The following SKA1 variants were observed in gnomAD, a reference collection of about 807,000 sequenced individuals.
The protein encoded by SKA1 is spindle and kinetochore associated complex subunit 1.
In SKA1, 20 loss-of-function variants were observed where a neutral mutation model predicts 31.8. The observed-to-expected ratio is 0.63, with a 90% confidence interval of 0.44 to 0.91. SKA1 has a LOEUF of 0.91. Ranked by LOEUF, SKA1 falls within the 40% of genes least tolerant of loss-of-function variation. The pLI is 0.00. For synonymous variants in SKA1, 88 were observed against 100.5 expected, an observed-to-expected ratio of 0.88 and a Z score of 0.74; for missense variants, 253 against 298.2, an observed-to-expected ratio of 0.85 and a Z score of 1.12.
chr18:50,390,905 A>G (rs2041351511), intron 5 of SKA1, among the ~76,000 whole-genome samples: 1 of 152,242 alleles, frequency 6.6e-6, no homozygotes, highest in Admixed American at 6.5e-5. Context: ...ATAGGTAAAC[A>G]ATAGAGGTTA....
intron 4 of SKA1, 47 bp downstream of exon 4, chr18:50,382,273 T>C: frequency 1.7e-6 from 2 of 1,180,846 alleles, no homozygotes; most frequent in Non-Finnish European, 2.3e-6. Context: ...TATAAACCCA[T>C]GAAAACAAGT....
chr18:50,377,430 C>G (rs2041227659), intron 2 of SKA1, among the ~76,000 whole-genome samples: 2 of 152,180 alleles, frequency 1.3e-5, no homozygotes, highest in African/African-American at 4.8e-5. Flanking sequence ...CATAACCCAT[C>G]TTAGAGCCTG....
At chr18:50,377,776 TTAGA>T (rs763771857) in intron 2 of SKA1, among the ~76,000 whole-genome samples, 4 of 152,230 alleles carry the variant, frequency 2.6e-5, no homozygotes, top group African/African-American at 7.2e-5. Context: ...AATTATAATG[TTAGA>T]TAGGCCATTT....
At chr18:50,384,870 T>TTAAAAAAAAAAAAAAAAAAA (rs1491587048) in intron 4 of SKA1, among the ~76,000 whole-genome samples, 2 of 61,290 alleles carry the variant, frequency 3.3e-5, no homozygotes, top group Non-Finnish European at 5.7e-5. Context: ...AAAAAAAAAA[T>TTAAAAAAAAAAAAAAAAAAA]TAAAAAAAAA....
chr18:50,375,768 G>A, intron 1 of SKA1, 52 bp from the exon 2 acceptor site: 1 of 1,232,470 alleles, frequency 8.1e-7, no homozygotes, highest in East Asian at 2.4e-5. Context: ...AAAGTGAACA[G>A]AAATTTGTGT....
intron 5 of SKA1, among the ~76,000 whole-genome samples, chr18:50,387,106 A>G (rs2041315424): frequency 6.6e-6 from 1 of 152,210 alleles, no homozygotes; most frequent in Non-Finnish European, 1.5e-5. Context: ...CAATGGCTAT[A>G]CCATTTTGCA....
intron 3 of SKA1, among the ~76,000 whole-genome samples, chr18:50,380,600 T>G (rs1394636512): frequency 6.6e-6 from 1 of 152,224 alleles, no homozygotes; most frequent in Non-Finnish European, 1.5e-5. Flanking sequence ...TGGTACTCTC[T>G]GCCACCCTGA....
In SKA1 at chr18:50,394,111, G is replaced by A. The variant is rs7244684; in HGVS notation, c.*1864G>A. On this transcript the variant is annotated 3_prime_UTR_variant, in exon 7 of 7. Transcript: ENST00000285116. The stretch of plus-strand genomic sequence containing the variant: ...GACCTTGCCCCAGGTACCCCTTCAT[G>A]TGGCTGTTGTTCATCTGTATCCTTT... 6.6e-6 allele frequency: 1 copy of A among 152,208 alleles called. No homozygotes were observed. Among genetic ancestry groups the A allele is most frequent in the East Asian group, 1.9e-4 (1 of 5,196 alleles). 9.4% of individuals were successfully genotyped at this position (152,208 alleles called of 1,614,324 possible). A position where few individuals can be genotyped will look rare whatever the true frequency, so the allele number is the denominator to read the frequency against.
At chr18:50,388,699 G>A (rs2041330980) in intron 5 of SKA1, among the ~76,000 whole-genome samples, 1 of 152,138 alleles carries the variant, frequency 6.6e-6, no homozygotes, top group Admixed American at 6.5e-5. Context: ...AGTTTTCCTT[G>A]AGGGCAGGTC....
chr18:50,385,370 A>G lies in SKA1; in HGVS notation c.449+17A>G. On this transcript the variant is annotated intron_variant, in intron 5 of 6. Transcript: ENST00000285116. ...TGTTCCTTCGTAAGTATTTAAGATAAATAATGTTCAACCCCTTAATAAACA... is the reference window on the plus strand; with the variant it reads ...TGTTCCTTCGTAAGTATTTAAGATAGATAATGTTCAACCCCTTAATAAACA... The G allele has an allele frequency of 4.5e-6, 7 of 1,557,958 alleles. No homozygotes were observed. Among genetic ancestry groups the G allele is most frequent in the Non-Finnish European group, 6.1e-6 (7 of 1,148,694 alleles).
chr18:50,380,021 AC>A, intron 2 of SKA1, 104 bp from the exon 3 acceptor site: 1 of 945,504 alleles, frequency 1.1e-6, no homozygotes, highest in Non-Finnish European at 1.5e-6. Context: ...ACCTTTTTCC[AC>A]CCCTCTCTAA....
At chr18:50,382,082 C>T (rs763972393) in intron 3 of SKA1, 47 bp from the exon 4 acceptor site, 18 of 1,104,842 alleles carry the variant, frequency 1.6e-5, no homozygotes, top group Non-Finnish European at 2.1e-5. Context: ...TCTTAAAACA[C>T]ACATGGGGAG....
intron 3 of SKA1, among the ~76,000 whole-genome samples, chr18:50,381,705 G>C (rs1212542996): frequency 1.4e-5 from 2 of 144,330 alleles, no homozygotes; most frequent in African/African-American, 5.1e-5. Flanking sequence ...CTGCATTTTC[G>C]GTACTCCAGT....
intron 2 of SKA1, among the ~76,000 whole-genome samples, chr18:50,377,624 A>G (rs10432202): frequency 0.37 from 56,076 of 152,102 alleles, 10,896 homozygotes; most frequent in East Asian, 0.62. Context: ...TAAAATGTCT[A>G]AAGAATTACA....
At chr18:50,378,483 C>T (rs1005724822) in intron 2 of SKA1, among the ~76,000 whole-genome samples, 2 of 152,014 alleles carry the variant, frequency 1.3e-5, no homozygotes, top group African/African-American at 2.4e-5. Context: ...TTGAGACCAG[C>T]CTAGTAACAT....
chr18:50,376,312 C>T (rs529443053), intron 2 of SKA1, among the ~76,000 whole-genome samples: 3 of 152,174 alleles, frequency 2.0e-5, no homozygotes, highest in Admixed American at 1.3e-4. Context: ...ATAGAATGTA[C>T]GTAAATGTAC....
chr18:50,387,064 G>A (rs1422700826), intron 5 of SKA1, among the ~76,000 whole-genome samples: 3 of 152,164 alleles, frequency 2.0e-5, no homozygotes, highest in African/African-American at 4.8e-5. Flanking sequence ...GCTGAGTCAC[G>A]TAAGAGTATG....
chr18:50,375,727 T>A (rs1158581072), intron 1 of SKA1, 93 bp from the exon 2 acceptor site: 1 of 735,906 alleles, frequency 1.4e-6, no homozygotes, highest in African/African-American at 1.8e-5. Flanking sequence ...AGACATGTGA[T>A]TTACTTGACA....
rs964767108 is a variant in SKA1, at chr18:50,375,142, C to T, written c.-64C>T. 1.3e-5 allele frequency: 2 copies of T among 152,522 alleles called. No individual in the cohort carries two copies. Among genetic ancestry groups the T allele is most frequent in the Admixed American group, 6.5e-5 (1 of 15,296 alleles). The allele number at this position is 152,522 out of a possible 1,614,324, so 9.4% of individuals were successfully genotyped here. ...GGGCTTCCAACGGAGACTGCGGTAT[C>T]CGCAGCTGGAGACCCAGCGGCGAGT... On this transcript the variant is annotated 5_prime_UTR_variant, in exon 1 of 7. Coordinates refer to ENST00000285116, the MANE Select transcript of SKA1 (RefSeq NM_145060.4).
Sources: allele counts gnomAD v4.1 joint callset (sites outside exome capture counted in the v4.1 genomes callset), GRCh38; gene constraint gnomAD v4.1.1; transcripts MANE v1.5; gene names NCBI Gene and HGNC (gene_info 2026-07-23, HGNC 2026-07-21).